The following TNK2 variants were observed in gnomAD, a reference collection of about 807,000 sequenced individuals.
TNK2 encodes tyrosine kinase non receptor 2, also known as activated CDC42 kinase 1.
TNK2 carries 83 observed loss-of-function variants against 101.8 expected under a neutral mutation model. That is an observed-to-expected ratio of 0.82 (90% CI 0.68 to 0.98). The LOEUF is 0.98. TNK2 is among the 50% of genes least tolerant of loss of function. The pLI is 0.00. For synonymous variants in TNK2, 804 were observed against 633.0 expected (o/e 1.27, Z -4.06); for missense variants, 1,665 against 1,483.2 (o/e 1.12, Z -2.01).
chr3:195,884,038 T>C (rs1407477953), intron 4 of TNK2: 1 of 152,266 alleles, frequency 6.6e-6, no homozygotes, highest in Non-Finnish European at 1.5e-5. Context: ...GCACCGCACG[T>C]GATCTGAGCA....
chr3:195,888,337 C>T lies in TNK2; in HGVS notation c.163+89G>A. On this transcript the variant is annotated intron_variant, in intron 2 of 15. Transcript: ENST00000672887. This position sits in a 1 kb window ranked among gnomAD's most constrained non-coding sequence, Gnocchi z 5.3. ...TCCCTCAGGGCTCTGGGACAGAGTT[C>T]TCAGCTGCCACCCGTGCACCGAGTG... The T allele has an allele frequency of 1.4e-6, 2 of 1,443,342 alleles. No homozygotes were observed. The highest frequency in any genetic ancestry group is 1.3e-5 in the South Asian group (1 of 78,108). The allele number at this position is 1,443,342 out of a possible 1,614,324, so 89.4% of individuals were successfully genotyped here. A position where few individuals can be genotyped will look rare whatever the true frequency, so the allele number is the denominator to read the frequency against.
chr3:195,899,476 G>A (rs1414347982), intron 1 of TNK2, among the ~76,000 whole-genome samples: 6 of 151,964 alleles, frequency 3.9e-5, no homozygotes, highest in Admixed American at 1.3e-4. Flanking sequence ...ACAAGTGTGC[G>A]CCACCACGCC....
chr3:195,893,098 TG>T (rs1331142302), intron 1 of TNK2, among the ~76,000 whole-genome samples: 1 of 151,874 alleles, frequency 6.6e-6, no homozygotes, highest in African/African-American at 2.4e-5. Flanking sequence ...TGGACCTGTG[TG>T]GGGACGTGGG....
intron 1 of TNK2, among the ~76,000 whole-genome samples, chr3:195,906,079 A>G (rs1761685253): frequency 6.6e-6 from 1 of 152,254 alleles, no homozygotes. Flanking sequence ...GATGCCCGAC[A>G]ACATGAGTCA....
At chr3:195,879,783 G>C (rs926292964) in intron 6 of TNK2, among the ~76,000 whole-genome samples, 1 of 151,898 alleles carries the variant, frequency 6.6e-6, no homozygotes. Context: ...AGCGAGCCCT[G>C]CCCCTCAAAG....
Position 195,867,410 on chromosome 3 carries a change from C to G in TNK2, c.2888G>C (p.Cys963Ser). The G allele has an allele frequency of 6.2e-7, 1 of 1,604,172 alleles. No individual in the cohort carries two copies. Among genetic ancestry groups the G allele is most frequent in the Non-Finnish European group, 8.5e-7 (1 of 1,178,336 alleles). Residue 963 changes from cysteine (C) to serine (S), a missense_variant, in exon 13 of 16, where the codon TGC becomes TCC. Transcript: ENST00000672887. The stretch of plus-strand genomic sequence containing the variant: ...GCCCGCCTCTGGCCCATCGCCAGGG[C>G]AGCCCCTCTGTGGCAGCCGAGCAGT... ...RATARLPQRG[C>S]PGDGPEAGRP...
chr3:195,865,967 G>A (rs1740571885), intron 15 of TNK2, among the ~76,000 whole-genome samples: 1 of 152,198 alleles, frequency 6.6e-6, no homozygotes, highest in Non-Finnish European at 1.5e-5. Context: ...AAGGGCAGCA[G>A]GTATCTCCAG....
chr3:195,868,028 C>T lies in TNK2; in HGVS notation c.2270G>A (p.Arg757Gln), dbSNP rs201113520. The T allele has an allele frequency of 1.4e-4, 228 of 1,588,026 alleles. No homozygotes were observed. The highest frequency in any genetic ancestry group is 1.7e-4 in the Non-Finnish European group (196 of 1,172,382). Residue 757 changes from arginine (R) to glutamine (Q), a missense_variant, in exon 13 of 16, where the codon CGG becomes CAG. Around this residue, in one of 3 missense-constraint regions of TNK2, gnomAD observed 1,136 missense variants for 894.9 expected, o/e 1.27. Coordinates refer to ENST00000672887, the MANE Select transcript of TNK2 (RefSeq NM_001382273.1). ...GGDDKPQVPP[R>Q]VPIPPRPTRP... is the part of the protein sequence containing the mutation. ...CGTGGGCCGAGGGGGGATGGGTACC[C>T]GAGGAGGCACCTGGGGCTTGTCGTC...
chr3:195,869,592 G>A (rs953840544), intron 11 of TNK2, 51 bp from the exon 12 acceptor site: 12 of 1,536,190 alleles, frequency 7.8e-6, no homozygotes, highest in Admixed American at 2.0e-5. Context: ...CAGGACAGAG[G>A]ACAAAGGAGG....
intron 1 of TNK2, among the ~76,000 whole-genome samples, chr3:195,900,653 A>C (rs1761108376): frequency 6.6e-6 from 1 of 152,216 alleles, no homozygotes; most frequent in Non-Finnish European, 1.5e-5. Flanking sequence ...ACATTGCTGC[A>C]GCTGTCTGGG....
intron 1 of TNK2, among the ~76,000 whole-genome samples, chr3:195,902,040 GAAC>G (rs888339594): frequency 1.4e-4 from 22 of 152,256 alleles, no homozygotes; most frequent in African/African-American, 3.6e-4. Flanking sequence ...AACCTCACCA[GAAC>G]AACAATTAAA....
At chr3:195,898,956 C>T (rs1417682419) in intron 1 of TNK2, among the ~76,000 whole-genome samples, 2 of 151,762 alleles carry the variant, frequency 1.3e-5, no homozygotes, top group African/African-American at 4.8e-5. Flanking sequence ...ATTAGCCGGG[C>T]GTGGTGGCGG....
chr3:195,866,834 C>T, intron 15 of TNK2, 55 bp downstream of exon 15: 1 of 1,581,562 alleles, frequency 6.3e-7, no homozygotes, highest in African/African-American at 1.3e-5. Flanking sequence ...GTGTGGCAGG[C>T]TCTGGGACAG....
chr3:195,865,828 G>C (rs1740466265), intron 15 of TNK2, among the ~76,000 whole-genome samples: 1 of 152,178 alleles, frequency 6.6e-6, no homozygotes, highest in Admixed American at 6.5e-5. Context: ...CGCCAGGCGT[G>C]CTGGGCGCAA....
At chr3:195,896,578 A>G (rs1760558847) in intron 1 of TNK2, among the ~76,000 whole-genome samples, 1 of 152,238 alleles carries the variant, frequency 6.6e-6, no homozygotes, top group Non-Finnish European at 1.5e-5. Context: ...AGACTGTAGA[A>G]GGCAAGGCAG....
chr3:195,872,224 C>CCTGG, intron 10 of TNK2, 52 bp downstream of exon 10: 1 of 1,602,492 alleles, frequency 6.2e-7, no homozygotes, highest in South Asian at 1.1e-5. Context: ...TGCTGAGGGC[C>CCTGG]CTGGAGTCCC....
At chr3:195,893,725 T>C (rs1202595977) in intron 1 of TNK2, among the ~76,000 whole-genome samples, 1 of 152,006 alleles carries the variant, frequency 6.6e-6, no homozygotes, top group Non-Finnish European at 1.5e-5. Context: ...TGCTGAGCCA[T>C]GCCTAGGGAG....
chr3:195,866,738 G>A, intron 15 of TNK2, 151 bp downstream of exon 15: 3 of 1,139,722 alleles, frequency 2.6e-6, no homozygotes, highest in Non-Finnish European at 3.6e-6. Context: ...ACGATTTGCT[G>A]GGCCCTGTGA....
chr3:195,876,781 T>G (rs9815549), intron 9 of TNK2: 302,591 of 370,366 alleles, frequency 0.82, 124,072 homozygotes, highest in East Asian at 0.93. Context: ...CCCACAACCC[T>G]CCCAGGAGCA....
Sources: allele counts gnomAD v4.1 joint callset (sites outside exome capture counted in the v4.1 genomes callset), GRCh38; gene constraint gnomAD v4.1.1; regional missense constraint gnomAD v4.1.1; non-coding constraint Gnocchi (gnomAD v3.1); transcripts MANE v1.5; gene names NCBI Gene and HGNC (gene_info 2026-07-23, HGNC 2026-07-21).